Variants in METAP1 observed in about 807,000 individuals in gnomAD.
METAP1 encodes the protein methionyl aminopeptidase 1.
In METAP1, 28 loss-of-function variants were observed where a neutral mutation model predicts 53.8. The ratio of observed to expected loss-of-function variants is 0.52; its 90% CI spans 0.39 to 0.71. The LOEUF (loss-of-function observed/expected upper bound fraction) is 0.71. METAP1 is among the 30% of genes least tolerant of loss of function. The pLI is 0.00. For synonymous variants in METAP1, 181 were observed against 165.7 expected (o/e 1.09, Z -0.71); for missense variants, 389 against 479.8 (o/e 0.81, Z 1.77).
chr4:99,043,485 C>G (rs970900771), intron 7 of METAP1, 98 bp downstream of exon 7: 2 of 1,279,368 alleles, frequency 1.6e-6, no homozygotes, highest in African/African-American at 1.5e-5. Flanking sequence ...GCTTCCTGTA[C>G]TTAAACTTTT....
chr4:99,055,950 A>C (rs1327142844), intron 9 of METAP1, among the ~76,000 whole-genome samples: 1 of 152,168 alleles, frequency 6.6e-6, no homozygotes, highest in Non-Finnish European at 1.5e-5. Flanking sequence ...CCTTTTTTCA[A>C]ATGACCTTAG....
chr4:99,025,622 A>T (rs1183991787), intron 1 of METAP1: 1 of 378,660 alleles, frequency 2.6e-6, no homozygotes, highest in Non-Finnish European at 3.6e-6. Flanking sequence ...ATAAAATTTG[A>T]ACTGCCAACC....
At chr4:99,006,512 G>C (rs534495003) in intron 1 of METAP1, among the ~76,000 whole-genome samples, 32 of 152,210 alleles carry the variant, frequency 2.1e-4, no homozygotes, top group African/African-American at 7.7e-4. Context: ...TTGGGAATAA[G>C]ACACAGAAAA....
At chr4:98,996,099 C>A (rs150325612) in intron 1 of METAP1, among the ~76,000 whole-genome samples, 3,287 of 152,270 alleles carry the variant, frequency 0.022, 112 homozygotes, top group African/African-American at 0.073. Flanking sequence ...CCACCCGCCG[C>A]GGCCATGTGG....
chr4:99,042,750 G>C (rs1000188678), intron 6 of METAP1, among the ~76,000 whole-genome samples: 1 of 151,776 alleles, frequency 6.6e-6, no homozygotes, highest in Admixed American at 6.6e-5. Context: ...CTTCATATGT[G>C]GTAATATTTA....
chr4:99,019,338 C>T (rs1723953516), intron 1 of METAP1, among the ~76,000 whole-genome samples: 1 of 152,226 alleles, frequency 6.6e-6, no homozygotes. Flanking sequence ...AGAAAGAGCC[C>T]CTGACTCACG....
At chr4:99,043,221 A>T in intron 6 of METAP1, 28 bp from the exon 7 acceptor site, 1 of 1,463,122 alleles carries the variant, frequency 6.8e-7, no homozygotes, top group Non-Finnish European at 9.2e-7. Flanking sequence ...TCTTTTATAT[A>T]TTCCAAATTA....
chr4:99,049,476 A>G (rs1230391771), intron 9 of METAP1, among the ~76,000 whole-genome samples: 3 of 152,148 alleles, frequency 2.0e-5, no homozygotes, highest in African/African-American at 7.2e-5. Context: ...ATCCTGTAAT[A>G]TTTGTTTATA....
intron 1 of METAP1, chr4:99,025,236 C>T: frequency 2.4e-6 from 1 of 411,888 alleles, no homozygotes; most frequent in Non-Finnish European, 3.3e-6. Context: ...TTGGCCTGTG[C>T]CCAGGAATGA....
intron 1 of METAP1, among the ~76,000 whole-genome samples, chr4:99,008,226 C>A (rs988927864): frequency 6.6e-6 from 1 of 152,008 alleles, no homozygotes; most frequent in Admixed American, 6.6e-5. Context: ...ACATTCTCTG[C>A]AGGGAAAGGA....
At chr4:99,023,803 A>G in intron 1 of METAP1, 1 of 982,240 alleles carries the variant, frequency 1.0e-6, no homozygotes, top group Non-Finnish European at 1.2e-6. Flanking sequence ...GTGTAACCAT[A>G]CAATGGGTTC....
chr4:99,039,195 T>C, intron 4 of METAP1, 179 bp from the exon 5 acceptor site: 1 of 447,244 alleles, frequency 2.2e-6, no homozygotes, highest in Non-Finnish European at 3.9e-6. Flanking sequence ...TTTAGCGAGT[T>C]TCCCTTTGAT....
At chr4:99,024,279 A>G (rs1367514492) in intron 1 of METAP1, among the ~76,000 whole-genome samples, 6 of 152,194 alleles carry the variant, frequency 3.9e-5, no homozygotes, top group Non-Finnish European at 8.8e-5. Flanking sequence ...AGCCTTTAAA[A>G]GAGACAGGAA....
intron 8 of METAP1, among the ~76,000 whole-genome samples, chr4:99,048,345 TC>T (rs1459332380): frequency 6.6e-6 from 1 of 152,138 alleles, no homozygotes; most frequent in Non-Finnish European, 1.5e-5. Context: ...TTCAAAAACT[TC>T]CTAGCACAAA....
chr4:99,024,262 AG>A (rs1295371936), intron 1 of METAP1, among the ~76,000 whole-genome samples: 2 of 152,036 alleles, frequency 1.3e-5, no homozygotes, highest in African/African-American at 4.8e-5. Flanking sequence ...ACCCCCTTAG[AG>A]TTGTGAGCCT....
intron 1 of METAP1, chr4:99,026,520 G>A: frequency 1.0e-6 from 1 of 985,334 alleles, no homozygotes; most frequent in South Asian, 4.7e-5. Context: ...TATACAAAGG[G>A]AAGAGATTGG....
chr4:98,996,783 A>G (rs375916413), intron 1 of METAP1, among the ~76,000 whole-genome samples: 103 of 152,362 alleles, frequency 6.8e-4, no homozygotes, highest in Non-Finnish European at 1.3e-4. Context: ...GGGCGGCAAT[A>G]GTATGGCTCT....
intron 1 of METAP1, 89 bp from the exon 2 acceptor site, chr4:99,028,778 T>C (rs1724769555): frequency 1.0e-6 from 1 of 957,154 alleles, no homozygotes; most frequent in East Asian, 2.8e-5. Flanking sequence ...GCAAATAGTT[T>C]ACAATAACTC....
chr4:99,019,620 A>G (rs1478821825), intron 1 of METAP1, among the ~76,000 whole-genome samples: 1 of 152,042 alleles, frequency 6.6e-6, no homozygotes, highest in Non-Finnish European at 1.5e-5. Flanking sequence ...ACTGGTCAAA[A>G]TCTCATCCCA....
Sources: allele counts gnomAD v4.1 joint callset (sites outside exome capture counted in the v4.1 genomes callset), GRCh38; gene constraint gnomAD v4.1.1; transcripts MANE v1.5; gene names NCBI Gene and HGNC (gene_info 2026-07-23, HGNC 2026-07-21).